PSMA1: variants seen among roughly 807,000 people sequenced by gnomAD.
PSMA1 encodes the protein proteasome subunit alpha type-1.
PSMA1 carries 3 observed loss-of-function variants against 38.4 expected under a neutral mutation model. The observed-to-expected ratio is 0.08, with a 90% CI of 0.04 to 0.20. PSMA1 has a LOEUF of 0.20. Ranked by LOEUF, PSMA1 falls within the 10% of genes least tolerant of loss-of-function variation. The pLI, the probability that PSMA1 is intolerant of heterozygous loss-of-function variation, is 1.00. For synonymous variants in PSMA1, 101 were observed against 107.1 expected (o/e 0.94, Z 0.35); for missense variants, 227 against 325.3 (o/e 0.70, Z 2.32).
chr11:14,535,507 G>A lies in PSMA1; in HGVS notation c.22-16466C>T, dbSNP rs868182402. Among the ~76,000 whole-genome samples, 4 of 149,262 alleles carry A rather than the reference G, an allele frequency of 2.7e-5. No homozygotes were observed. The South Asian group carries it at 8.4e-4, about 31-fold the overall frequency. ...TGCCTAGGCTAGAGTGCAATGGCAC[G>A]ATCTCGGCTCACTGCAACCTCCGCC... On this transcript the variant is annotated intron_variant, in intron 2 of 10. Transcript: ENST00000418988.
At chr11:14,562,352 A>C (rs141206052) in intron 2 of PSMA1, among the ~76,000 whole-genome samples, 1 of 152,326 alleles carries the variant, frequency 6.6e-6, no homozygotes, top group African/African-American at 2.4e-5. Context: ...ACTTTGAAGG[A>C]GGTCTCTGTG....
intron 2 of PSMA1, among the ~76,000 whole-genome samples, chr11:14,609,621 G>A (rs756956200): frequency 1.4e-4 from 21 of 152,160 alleles, no homozygotes; most frequent in Non-Finnish European, 2.9e-4. Flanking sequence ...TGCCTATGTA[G>A]TGAATGATCA....
chr11:14,512,820 T>C (rs1851366849), intron 7 of PSMA1, among the ~76,000 whole-genome samples: 2 of 152,368 alleles, frequency 1.3e-5, no homozygotes, highest in African/African-American at 4.8e-5. Flanking sequence ...GGGGTAACCT[T>C]GGGGACCCCA....
Position 14,615,913 on chromosome 11 carries a change from A to G in PSMA1, c.-165-4762T>C, listed in dbSNP as rs575310067. ...AGGAGGGTTTTGCAAAGACCGCAGTAGGACACGCAGAGGCCAGAGCAAGAG... is the reference window on the plus strand; with the variant it reads ...AGGAGGGTTTTGCAAAGACCGCAGTGGGACACGCAGAGGCCAGAGCAAGAG... On this transcript the variant is annotated intron_variant, in intron 1 of 10. Transcript: ENST00000418988. Among the ~76,000 whole-genome samples, 90 of 152,314 alleles carry G rather than the reference A, an allele frequency of 5.9e-4. 2 individuals carry two copies. The South Asian group carries it at 0.018, about 30-fold the overall frequency.
intron 2 of PSMA1, among the ~76,000 whole-genome samples, chr11:14,609,155 A>G (rs539756678): frequency 6.6e-6 from 1 of 152,362 alleles, no homozygotes; most frequent in African/African-American, 2.4e-5. Flanking sequence ...CTCAGTCACT[A>G]TGCAATTTGG....
intron 1 of PSMA1, among the ~76,000 whole-genome samples, chr11:14,628,255 G>T (rs1203348539): frequency 2.7e-5 from 4 of 148,358 alleles, no homozygotes; most frequent in African/African-American, 1.0e-4. Flanking sequence ...CCATGCTGGT[G>T]CGCTGCACCC....
At chr11:14,526,372 G>A (rs987887207) in intron 2 of PSMA1, among the ~76,000 whole-genome samples, 6 of 152,114 alleles carry the variant, frequency 3.9e-5, no homozygotes, top group Non-Finnish European at 5.9e-5. Flanking sequence ...CCAAAGTGCA[G>A]GGCTGTGCAG....
chr11:14,640,373 A>G (rs1437954289), intron 1 of PSMA1, among the ~76,000 whole-genome samples: 1 of 152,226 alleles, frequency 6.6e-6, no homozygotes, highest in African/African-American at 2.4e-5. Flanking sequence ...GTCCTAACAC[A>G]TTGTTCTCAA....
chr11:14,574,173 A>C (rs902115304), intron 2 of PSMA1, among the ~76,000 whole-genome samples: 4 of 152,242 alleles, frequency 2.6e-5, no homozygotes, highest in African/African-American at 9.6e-5. Context: ...CATATCTCAA[A>C]GAGAGGGAAG....
At chr11:14,579,445 A>T (rs1333305399) in intron 2 of PSMA1, among the ~76,000 whole-genome samples, 1 of 140,466 alleles carries the variant, frequency 7.1e-6, no homozygotes, top group African/African-American at 2.6e-5. Context: ...CATCTGGATG[A>T]TCTCATTTCA....
At chr11:14,612,435 A>G (rs1852721461) in intron 1 of PSMA1, among the ~76,000 whole-genome samples, 2 of 152,176 alleles carry the variant, frequency 1.3e-5, no homozygotes, top group African/African-American at 4.8e-5. Context: ...TGTACAATAT[A>G]TCTATATAAA....
chr11:14,558,645 G>A (rs1297586501), intron 2 of PSMA1, among the ~76,000 whole-genome samples: 1 of 152,166 alleles, frequency 6.6e-6, no homozygotes, highest in Non-Finnish European at 1.5e-5. Flanking sequence ...GTGTGTCCAG[G>A]CTTTAGGACT....
At chr11:14,575,488 C>T (rs1852202346) in intron 2 of PSMA1, among the ~76,000 whole-genome samples, 1 of 151,982 alleles carries the variant, frequency 6.6e-6, no homozygotes, top group Admixed American at 6.6e-5. Context: ...CAATTCCCAC[C>T]TACGAGTTAG....
upstream of PSMA1, among the ~76,000 whole-genome samples, chr11:14,525,067 C>T (rs529571166): frequency 8.4e-4 from 128 of 152,054 alleles, no homozygotes; most frequent in African/African-American, 2.8e-3. Flanking sequence ...ACCTTCTTTT[C>T]AAGGGCCTGT....
At chr11:14,576,779 A>C (rs1039106788) in intron 2 of PSMA1, among the ~76,000 whole-genome samples, 4 of 152,172 alleles carry the variant, frequency 2.6e-5, no homozygotes, top group African/African-American at 9.7e-5. Flanking sequence ...TTTTGGTTCC[A>C]CGTGAACTTT....
At chr11:14,519,940 C>T in intron 1 of PSMA1, 1 of 281,826 alleles carries the variant, frequency 3.5e-6, no homozygotes, top group East Asian at 6.5e-5. Flanking sequence ...TACAGGTAGG[C>T]CTCCAAGTCA....
At chr11:14,583,196 CTCT>C (rs1468658136) in intron 2 of PSMA1, among the ~76,000 whole-genome samples, 1 of 152,200 alleles carries the variant, frequency 6.6e-6, no homozygotes, top group African/African-American at 2.4e-5. Context: ...CCTTTCACTT[CTCT>C]TCTTCCTCTT....
At chr11:14,516,747 G>A (rs1344089676) in intron 4 of PSMA1, among the ~76,000 whole-genome samples, 5 of 152,074 alleles carry the variant, frequency 3.3e-5, no homozygotes, top group South Asian at 2.1e-4. Context: ...CCAACATGGC[G>A]AAACCCCGTC....
chr11:14,529,185 A>C (rs2134158298), intron 2 of PSMA1, among the ~76,000 whole-genome samples: 1 of 152,300 alleles, frequency 6.6e-6, no homozygotes, highest in East Asian at 1.9e-4. Flanking sequence ...AAAAGAATCA[A>C]ATAAAAGTAA....
Sources: allele counts gnomAD v4.1 joint callset (sites outside exome capture counted in the v4.1 genomes callset), GRCh38; gene constraint gnomAD v4.1.1; transcripts MANE v1.5; gene names NCBI Gene and HGNC (gene_info 2026-07-23, HGNC 2026-07-21).